The following ANKRD44 variants were observed in gnomAD, a reference collection of about 807,000 sequenced individuals.
The protein encoded by ANKRD44 is ankyrin repeat domain 44, also known as serine/threonine-protein phosphatase 6 regulatory ankyrin repeat subunit B.
A neutral mutation model predicts 116.0 loss-of-function variants in ANKRD44; 35 were observed. The observed-to-expected ratio is 0.30, with a 90% CI of 0.23 to 0.40. ANKRD44 has a LOEUF of 0.40. Ranked by LOEUF, ANKRD44 falls within the 10% of genes least tolerant of loss-of-function variation. The pLI is 1.00. For missense variants in ANKRD44, 1,014 were observed against 1,242.6 expected, an observed-to-expected ratio of 0.82 and a Z score of 2.77; for synonymous variants, 435 against 461.8, an observed-to-expected ratio of 0.94 and a Z score of 0.74.
At chr2:197,307,089 C>T (rs2084094523) in intron 1 of ANKRD44, among the ~76,000 whole-genome samples, 1 of 152,136 alleles carries the variant, frequency 6.6e-6, no homozygotes, top group Non-Finnish European at 1.5e-5. Context: ...AACTATATGA[C>T]ATAAAGAACA....
At chr2:197,019,114 A>T (rs2076447281) in intron 17 of ANKRD44, among the ~76,000 whole-genome samples, 1 of 152,236 alleles carries the variant, frequency 6.6e-6, no homozygotes. Context: ...ATTGAATAAC[A>T]AATATTGAAT....
intron 16 of ANKRD44, among the ~76,000 whole-genome samples, chr2:197,039,357 T>C (rs1013249625): frequency 2.0e-5 from 3 of 152,200 alleles, no homozygotes; most frequent in Admixed American, 6.5e-5. Flanking sequence ...AAAATATGCC[T>C]TGGATGCATT....
intron 8 of ANKRD44, among the ~76,000 whole-genome samples, chr2:197,112,639 C>G (rs1029527080): frequency 1.4e-5 from 2 of 144,624 alleles, no homozygotes; most frequent in African/African-American, 2.5e-5. Context: ...ACCCGGGAGG[C>G]GGAGTTTGCA....
At chr2:197,172,936 G>A (rs2080277064) in intron 2 of ANKRD44, among the ~76,000 whole-genome samples, 1 of 152,158 alleles carries the variant, frequency 6.6e-6, no homozygotes, top group Non-Finnish European at 1.5e-5. Context: ...CTCAATAACT[G>A]TCTGCTGATT....
intron 8 of ANKRD44, among the ~76,000 whole-genome samples, chr2:197,120,131 A>C (rs895205748): frequency 2.0e-5 from 3 of 151,962 alleles, no homozygotes; most frequent in African/African-American, 7.3e-5. Context: ...ATGCTTTATG[A>C]CTCTTCTCAT....
intron 16 of ANKRD44, among the ~76,000 whole-genome samples, chr2:197,052,799 C>G (rs79997846): frequency 6.6e-6 from 1 of 152,120 alleles, no homozygotes; most frequent in African/African-American, 2.4e-5. Context: ...TAAATTGATG[C>G]CTGACTGCCC....
At chr2:197,179,602 G>A (rs1331005658) in intron 2 of ANKRD44, among the ~76,000 whole-genome samples, 2 of 152,140 alleles carry the variant, frequency 1.3e-5, no homozygotes, top group Admixed American at 6.5e-5. Context: ...CCATACACTT[G>A]AAATGTTTCT....
At chr2:197,246,325 TACAAGTA>T (rs1235996637) in intron 1 of ANKRD44, among the ~76,000 whole-genome samples, 1 of 147,350 alleles carries the variant, frequency 6.8e-6, no homozygotes, top group Admixed American at 7.0e-5. Flanking sequence ...TAGCTAGGAC[TACAAGTA>T]TGCACCACTA....
At chr2:197,273,695 G>C (rs1464363927) in intron 1 of ANKRD44, among the ~76,000 whole-genome samples, 1 of 152,058 alleles carries the variant, frequency 6.6e-6, no homozygotes, top group Non-Finnish European at 1.5e-5. Flanking sequence ...GCAGCTGCCA[G>C]CTGGCTGGTT....
intron 1 of ANKRD44, among the ~76,000 whole-genome samples, chr2:197,287,260 T>C (rs1422156290): frequency 1.3e-5 from 2 of 152,162 alleles, no homozygotes; most frequent in Non-Finnish European, 2.9e-5. Context: ...AATTAAAGTC[T>C]ATTTTTTAAA....
intron 21 of ANKRD44, among the ~76,000 whole-genome samples, chr2:196,969,366 G>A (rs1484436021): frequency 1.3e-5 from 2 of 151,958 alleles, no homozygotes; most frequent in Non-Finnish European, 2.9e-5. Flanking sequence ...TTTGTTCATA[G>A]ATTTGGCTGC....
chr2:196,985,222 G>A (rs1000452867), downstream of ANKRD44, among the ~76,000 whole-genome samples: 3 of 152,152 alleles, frequency 2.0e-5, no homozygotes, highest in African/African-American at 4.8e-5. Flanking sequence ...GAAATGGATC[G>A]TTCCCAGGCC....
chr2:196,990,686 C>T (rs547028406), intron 27 of ANKRD44: 68 of 1,232,068 alleles, frequency 5.5e-5, no homozygotes, highest in Non-Finnish European at 6.4e-5. Context: ...AAAGTCAAAA[C>T]GTTTCCGAAT....
chr2:197,036,805 A>G (rs904287966), intron 16 of ANKRD44, among the ~76,000 whole-genome samples: 16 of 152,242 alleles, frequency 1.1e-4, no homozygotes, highest in African/African-American at 3.6e-4. Flanking sequence ...CTACCTTGCA[A>G]GAGCCCTAAA....
intron 8 of ANKRD44, among the ~76,000 whole-genome samples, chr2:197,111,603 C>T (rs1001250389): frequency 6.7e-6 from 1 of 149,192 alleles, no homozygotes; most frequent in Non-Finnish European, 1.5e-5. Flanking sequence ...CGTGCCACTG[C>T]ACTCCAGCCT....
chr2:197,107,198 C>T (rs1452198008), intron 9 of ANKRD44, among the ~76,000 whole-genome samples: 2 of 152,162 alleles, frequency 1.3e-5, no homozygotes, highest in Non-Finnish European at 2.9e-5. Flanking sequence ...ATTAAGTTGC[C>T]TTGGAAGGAT....
downstream of ANKRD44, among the ~76,000 whole-genome samples, chr2:196,985,094 C>T (rs1001721315): frequency 6.6e-6 from 1 of 152,250 alleles, no homozygotes; most frequent in African/African-American, 2.4e-5. Flanking sequence ...GTGAGCTTCC[C>T]TATGGGAAGG....
At chr2:197,290,793 G>T (rs978710308) in intron 1 of ANKRD44, among the ~76,000 whole-genome samples, 1 of 148,542 alleles carries the variant, frequency 6.7e-6, no homozygotes, top group Non-Finnish European at 1.5e-5. Flanking sequence ...CAGTTTTTTT[G>T]TTTGTTTGTT....
At chr2:197,097,808 T>C (rs995680270) in intron 10 of ANKRD44, among the ~76,000 whole-genome samples, 4 of 152,240 alleles carry the variant, frequency 2.6e-5, no homozygotes, top group African/African-American at 7.2e-5. Flanking sequence ...TACGCCCACT[T>C]AGAATTCTTT....
Sources: gnomAD v4.1 joint callset for allele counts (sites outside exome capture counted in the v4.1 genomes callset) on GRCh38, gnomAD v4.1.1 for gene constraint, MANE v1.5 for transcripts, NCBI Gene and HGNC (gene_info 2026-07-23, HGNC 2026-07-21) for gene names.